ST6GAL2: variants seen among roughly 807,000 people sequenced by gnomAD.
ST6GAL2 encodes beta-galactoside alpha-2,6-sialyltransferase 2.
A neutral mutation model predicts 37.5 loss-of-function variants in ST6GAL2; 24 were observed. The observed-to-expected ratio is 0.64, with a 90% CI of 0.46 to 0.90. ST6GAL2 has a LOEUF of 0.90. ST6GAL2 is among the 40% of genes least tolerant of loss of function. The pLI, the probability that ST6GAL2 is intolerant of heterozygous loss-of-function variation, is 0.00. For missense variants in ST6GAL2, 715 were observed against 712.7 expected (o/e 1.00, Z -0.04); for synonymous variants, 306 against 295.1 (o/e 1.04, Z -0.38).
chr2:106,819,696 C>T (rs935869261), intron 5 of ST6GAL2, among the ~76,000 whole-genome samples: 1 of 151,846 alleles, frequency 6.6e-6, no homozygotes, highest in Non-Finnish European at 1.5e-5. Context: ...ATATTAAGTA[C>T]ATAGAATATT....
intron 1 of ST6GAL2, among the ~76,000 whole-genome samples, chr2:106,881,138 C>CT (rs1678733755): frequency 6.6e-6 from 1 of 152,018 alleles, no homozygotes. Flanking sequence ...GGTGCATGCC[C>CT]TCACACCTAG....
At chr2:106,858,974 G>A (rs577551881) in intron 1 of ST6GAL2, among the ~76,000 whole-genome samples, 53 of 152,288 alleles carry the variant, frequency 3.5e-4, no homozygotes, top group Non-Finnish European at 3.8e-4. Flanking sequence ...GCATGGGAGT[G>A]GGGGCAGGCA....
intron 1 of ST6GAL2, among the ~76,000 whole-genome samples, chr2:106,879,180 CA>C (rs962174103): frequency 4.6e-5 from 7 of 151,774 alleles, no homozygotes; most frequent in African/African-American, 1.7e-4. Flanking sequence ...AAATGCCAAA[CA>C]AAAAAAATTA....
At chr2:106,815,379 C>T in intron 5 of ST6GAL2, among the ~76,000 whole-genome samples, 1 of 152,124 alleles carries the variant, frequency 6.6e-6, no homozygotes, top group East Asian at 1.9e-4. Context: ...GACTTGTCAA[C>T]ATAATTGTTT....
In ST6GAL2 at chr2:106,843,021, C is replaced by A. The variant is rs772098783; in HGVS notation, c.943+14G>T. The A allele has an allele frequency of 2.2e-6, 3 of 1,384,042 alleles. No homozygotes were observed. Among genetic ancestry groups the A allele is most frequent in the African/African-American group, 3.0e-5 (2 of 66,712 alleles). The allele number at this position is 1,384,042 out of a possible 1,614,324, so 85.7% of individuals were successfully genotyped here. Reference sequence around the variant, plus strand: ...CTCAAGACAGGGCGACCTGGTCCCCCCGCTGAGACCTACCTATTTCCTCGC... The same window carrying A: ...CTCAAGACAGGGCGACCTGGTCCCCACGCTGAGACCTACCTATTTCCTCGC... On this transcript the variant is annotated intron_variant, in intron 2 of 5. Coordinates refer to ENST00000409382, the MANE Select transcript of ST6GAL2 (RefSeq NM_001142351.2).
intron 5 of ST6GAL2, among the ~76,000 whole-genome samples, chr2:106,817,720 G>A (rs1675854736): frequency 6.6e-6 from 1 of 152,310 alleles, no homozygotes; most frequent in African/African-American, 2.4e-5. Context: ...TTGTCTTGCA[G>A]CAAAGGTACC....
At chr2:106,824,191 G>T (rs534749748) in intron 5 of ST6GAL2, among the ~76,000 whole-genome samples, 2 of 152,244 alleles carry the variant, frequency 1.3e-5, no homozygotes, top group Admixed American at 6.5e-5. Context: ...TTTAAGAAAA[G>T]GATTTACAGT....
chr2:106,850,429 T>C, intron 1 of ST6GAL2, among the ~76,000 whole-genome samples: 1 of 152,178 alleles, frequency 6.6e-6, no homozygotes. Flanking sequence ...TGGCTCCTAA[T>C]GCACAAGAAT....
At chr2:106,869,892 A>G (rs897106462) in intron 1 of ST6GAL2, among the ~76,000 whole-genome samples, 1 of 152,190 alleles carries the variant, frequency 6.6e-6, no homozygotes, top group Non-Finnish European at 1.5e-5. Flanking sequence ...GGCCCTGCCC[A>G]CAAGGCACCT....
intron 1 of ST6GAL2, among the ~76,000 whole-genome samples, chr2:106,856,299 G>T (rs1677572577): frequency 6.6e-6 from 1 of 152,182 alleles, no homozygotes; most frequent in South Asian, 2.1e-4. Flanking sequence ...CAACCCAAGG[G>T]TAACAACCCT....
intron 5 of ST6GAL2, 130 bp downstream of exon 5, chr2:106,829,936 G>C: frequency 1.1e-6 from 1 of 889,286 alleles, no homozygotes; most frequent in South Asian, 1.9e-5. Flanking sequence ...TCCAAAATCA[G>C]AAATACTTCT....
At chr2:106,832,426 G>A (rs1472015112) in intron 4 of ST6GAL2, 139 bp downstream of exon 4, 1 of 551,158 alleles carries the variant, frequency 1.8e-6, no homozygotes, top group East Asian at 3.1e-5. Flanking sequence ...TCAACGTGGT[G>A]TTCACAAACA....
intron 5 of ST6GAL2, among the ~76,000 whole-genome samples, chr2:106,826,622 T>A (rs1025181087): frequency 4.0e-5 from 6 of 151,244 alleles, no homozygotes; most frequent in African/African-American, 1.5e-4. Context: ...CCATGAAGGA[T>A]CTGTCCCCAT....
chr2:106,860,236 T>G (rs963084604), intron 1 of ST6GAL2, among the ~76,000 whole-genome samples: 15 of 152,288 alleles, frequency 9.8e-5, no homozygotes, highest in East Asian at 3.9e-4. Context: ...TTTACTGCCT[T>G]TCTTCTCTAG....
At chr2:106,811,793 G>C (rs1675618930) in intron 5 of ST6GAL2, among the ~76,000 whole-genome samples, 1 of 152,086 alleles carries the variant, frequency 6.6e-6, no homozygotes, top group Admixed American at 6.6e-5. Context: ...CACACCCCTA[G>C]GTTCAATGAT....
intron 1 of ST6GAL2, among the ~76,000 whole-genome samples, chr2:106,871,292 T>A (rs1678257227): frequency 1.3e-5 from 2 of 152,212 alleles, no homozygotes; most frequent in Admixed American, 1.3e-4. Context: ...TTGCTCTGGG[T>A]GAGTCAGTCA....
chr2:106,884,934 T>TATATACACACACAC (rs1425070594), intron 1 of ST6GAL2, among the ~76,000 whole-genome samples: 4 of 120,470 alleles, frequency 3.3e-5, no homozygotes, highest in African/African-American at 1.1e-4. Context: ...TATATATATA[T>TATATACACACACAC]ACATACACAC....
chr2:106,864,521 C>CAAAATGTG (rs1677943061), intron 1 of ST6GAL2, among the ~76,000 whole-genome samples: 2 of 152,158 alleles, frequency 1.3e-5, no homozygotes, highest in African/African-American at 4.8e-5. Context: ...TTCACATTTC[C>CAAAATGTG]CATTCGAGAA....
intron 1 of ST6GAL2, among the ~76,000 whole-genome samples, chr2:106,884,939 A>ATATATATG (rs1491214200): frequency 4.1e-5 from 5 of 122,634 alleles, no homozygotes; most frequent in East Asian, 2.1e-4. Context: ...ATATATACAT[A>ATATATATG]CACACACACA....
Sources: gnomAD v4.1 joint callset for allele counts (sites outside exome capture counted in the v4.1 genomes callset) on GRCh38, gnomAD v4.1.1 for gene constraint, MANE v1.5 for transcripts, NCBI Gene and HGNC (gene_info 2026-07-23, HGNC 2026-07-21) for gene names.